The following PLEKHH2 variants were observed in gnomAD, a reference collection of about 807,000 sequenced individuals.
PLEKHH2 encodes pleckstrin homology, MyTH4 and FERM domain containing H2, also known as pleckstrin homology domain-containing family H member 2.
A neutral mutation model predicts 187.9 loss-of-function variants in PLEKHH2; 129 were observed. That is an observed-to-expected ratio of 0.69 (90% CI 0.59 to 0.79). The LOEUF (loss-of-function observed/expected upper bound fraction) is 0.79. PLEKHH2 is among the 30% of genes least tolerant of loss of function. The pLI, the probability that PLEKHH2 is intolerant of heterozygous loss-of-function variation, is 0.00. For synonymous variants in PLEKHH2, 686 were observed against 605.6 expected, an observed-to-expected ratio of 1.13 and a Z score of -1.95; for missense variants, 2,076 against 1,751.2, an observed-to-expected ratio of 1.19 and a Z score of -3.31.
At chr2:43,672,870 A>T (rs1489442404) in intron 2 of PLEKHH2, among the ~76,000 whole-genome samples, 1 of 152,082 alleles carries the variant, frequency 6.6e-6, no homozygotes, top group East Asian at 1.9e-4. Flanking sequence ...GATATAGACA[A>T]CTCCTTGTCC....
intron 2 of PLEKHH2, among the ~76,000 whole-genome samples, chr2:43,669,081 G>A (rs981312764): frequency 6.6e-6 from 1 of 152,178 alleles, no homozygotes; most frequent in African/African-American, 2.4e-5. Context: ...GGGCTTCTCA[G>A]TCCTCTTTGG....
At chr2:43,757,585 A>G (rs1233680724) in intron 26 of PLEKHH2, among the ~76,000 whole-genome samples, 2 of 151,896 alleles carry the variant, frequency 1.3e-5, no homozygotes, top group African/African-American at 4.8e-5. Flanking sequence ...CACCCAGCTA[A>G]TTTATTGTAT....
At chr2:43,711,947 G>A (rs918352698) in intron 14 of PLEKHH2, 97 of 1,133,890 alleles carry the variant, frequency 8.6e-5, no homozygotes, top group Non-Finnish European at 1.0e-4. Flanking sequence ...AGCAAGAAAG[G>A]GAAAATGTGA....
intron 23 of PLEKHH2, among the ~76,000 whole-genome samples, chr2:43,745,413 G>A (rs1464626019): frequency 2.0e-5 from 3 of 152,212 alleles, no homozygotes; most frequent in Non-Finnish European, 2.9e-5. Context: ...GAGGCCTAGA[G>A]AGGGAAATGA....
chr2:43,733,158 C>G (rs571128064), intron 19 of PLEKHH2, among the ~76,000 whole-genome samples: 1 of 152,128 alleles, frequency 6.6e-6, no homozygotes, highest in Non-Finnish European at 1.5e-5. Context: ...GTCAGGAGAT[C>G]GAGACCATCC....
At chr2:43,680,876 C>T in intron 3 of PLEKHH2, 1 of 555,342 alleles carries the variant, frequency 1.8e-6, no homozygotes, top group South Asian at 2.1e-5. Context: ...TCACATCTTC[C>T]ATTTGACAAG....
intron 3 of PLEKHH2, among the ~76,000 whole-genome samples, chr2:43,684,546 C>A (rs1488450650): frequency 2.0e-5 from 3 of 151,844 alleles, no homozygotes; most frequent in Admixed American, 6.6e-5. Context: ...CCCCACCGAC[C>A]CCTGCCCCAC....
At chr2:43,700,996 T>G (rs1407211766) in intron 8 of PLEKHH2, among the ~76,000 whole-genome samples, 1 of 152,234 alleles carries the variant, frequency 6.6e-6, no homozygotes, top group Non-Finnish European at 1.5e-5. Flanking sequence ...TTCCAGTTTT[T>G]AGGATAAAAT....
At chr2:43,690,076 T>C (rs1376662603) in intron 3 of PLEKHH2, among the ~76,000 whole-genome samples, 3 of 152,224 alleles carry the variant, frequency 2.0e-5, no homozygotes, top group Non-Finnish European at 4.4e-5. Context: ...AGAACTATCA[T>C]TTTGGACTTG....
intron 2 of PLEKHH2, among the ~76,000 whole-genome samples, chr2:43,672,917 A>C (rs1667558797): frequency 6.6e-6 from 1 of 152,154 alleles, no homozygotes; most frequent in Admixed American, 6.5e-5. Context: ...GGCACACGTA[A>C]ATTTTTTAAC....
intron 11 of PLEKHH2, among the ~76,000 whole-genome samples, chr2:43,709,768 A>C (rs1309260760): frequency 1.3e-5 from 2 of 152,166 alleles, no homozygotes; most frequent in Non-Finnish European, 2.9e-5. Context: ...CCCAGGAGGC[A>C]GAGGTTGCAG....
At position 43,681,209 on chromosome 2, in the gene PLEKHH2, G is replaced by A. The variant is rs1038526319; in HGVS notation, c.186+2284G>A. On this transcript the variant is annotated intron_variant, in intron 3 of 29. Transcript: ENST00000282406. Reference sequence around the variant, plus strand: ...TATTCCTCAAAGAATACAGAAAGCTGTTTCTCCATGTATTATTAAAGCGAT... The same window carrying A: ...TATTCCTCAAAGAATACAGAAAGCTATTTCTCCATGTATTATTAAAGCGAT... 16 of 663,642 alleles carry A rather than the reference G, an allele frequency of 2.4e-5. No individual in the cohort carries two copies. The African/African-American group carries it at 2.7e-4, about 11-fold the overall frequency. 41.1% of individuals were successfully genotyped at this position (663,642 alleles called of 1,614,324 possible).
chr2:43,762,441 AGTGTACC>A, intron 28 of PLEKHH2, 51 bp downstream of exon 28: 1 of 1,350,216 alleles, frequency 7.4e-7, no homozygotes, highest in Non-Finnish European at 1.1e-6. Flanking sequence ...TCCATTGCTC[AGTGTACC>A]GTAAACAGAA....
At chr2:43,754,479 C>T (rs1323021605) in intron 25 of PLEKHH2, among the ~76,000 whole-genome samples, 1 of 152,184 alleles carries the variant, frequency 6.6e-6, no homozygotes, top group Non-Finnish European at 1.5e-5. Context: ...CGCCTCCATT[C>T]ATGTCTCTCC....
At chr2:43,693,218 C>T (rs72870502) in intron 4 of PLEKHH2, among the ~76,000 whole-genome samples, 22,486 of 152,196 alleles carry the variant, frequency 0.15, 1,811 homozygotes, top group Non-Finnish European at 0.18. Context: ...AGCCACCATG[C>T]CCAGCCAGAT....
chr2:43,711,569 T>C (rs1413242082), intron 14 of PLEKHH2: 1 of 976,730 alleles, frequency 1.0e-6, no homozygotes, highest in African/African-American at 1.8e-5. Flanking sequence ...TTTATTATAG[T>C]CTTTAATCAT....
chr2:43,747,217 G>T (rs1212815502), intron 24 of PLEKHH2, among the ~76,000 whole-genome samples: 1 of 151,724 alleles, frequency 6.6e-6, no homozygotes, highest in African/African-American at 2.4e-5. Context: ...GACAGACCCA[G>T]TTCCTGATCT....
intron 8 of PLEKHH2, among the ~76,000 whole-genome samples, chr2:43,703,177 G>A (rs4953000): frequency 0.59 from 89,818 of 152,008 alleles, 27,934 homozygotes; most frequent in African/African-American, 0.78. Flanking sequence ...GTTGCCCACT[G>A]TGTCCTGGAC....
At chr2:43,760,236 C>T (rs1036878037) in intron 27 of PLEKHH2, among the ~76,000 whole-genome samples, 10 of 151,942 alleles carry the variant, frequency 6.6e-5, no homozygotes, top group African/African-American at 1.7e-4. Flanking sequence ...TTTCAAATTA[C>T]GTGACAAGCA....
Sources: allele counts gnomAD v4.1 joint callset (sites outside exome capture counted in the v4.1 genomes callset), GRCh38; gene constraint gnomAD v4.1.1; transcripts MANE v1.5; gene names NCBI Gene and HGNC (gene_info 2026-07-23, HGNC 2026-07-21).